The following CD36 variants were observed in gnomAD, a reference collection of about 807,000 sequenced individuals.
CD36 encodes the protein platelet glycoprotein 4.
A neutral mutation model predicts 55.2 loss-of-function variants in CD36; 119 were observed. The ratio of observed to expected loss-of-function variants is 2.15; its 90% confidence interval spans 1.86 to 2.51. CD36 has a LOEUF of 2.51. CD36 is among the 30% of genes most tolerant of loss of function. CD36 has a pLI of 0.00. For missense variants in CD36, 819 were observed against 555.5 expected (o/e 1.47, Z -4.77); for synonymous variants, 186 against 193.6 (o/e 0.96, Z 0.33).
chr7:80,673,078 A>C, intron 12 of CD36: 1 of 534,916 alleles, frequency 1.9e-6, no homozygotes, highest in Non-Finnish European at 3.3e-6. Flanking sequence ...AGCTGCCCAA[A>C]TATTTCTATG....
chr7:80,626,910 A>G (rs1793774848), intron 1 of CD36, among the ~76,000 whole-genome samples: 1 of 152,056 alleles, frequency 6.6e-6, no homozygotes, highest in Admixed American at 6.6e-5. Flanking sequence ...TATATAAACT[A>G]CAATCTTCTC....
intron 1 of CD36, among the ~76,000 whole-genome samples, chr7:80,627,843 GA>G (rs1485694662): frequency 6.6e-6 from 1 of 151,952 alleles, no homozygotes; most frequent in Non-Finnish European, 1.5e-5. Flanking sequence ...AAATATTTGG[GA>G]AAAGCTCATT....
intron 1 of CD36, among the ~76,000 whole-genome samples, chr7:80,615,963 T>TGAGGG (rs1793127851): frequency 6.6e-6 from 1 of 152,214 alleles, no homozygotes; most frequent in African/African-American, 2.4e-5. Flanking sequence ...TTTTGAATTT[T>TGAGGG]GATTTAATTT....
rs771061715 is a variant in CD36 at position 80,674,137 on chromosome 7, CAATAA to C, written c.1415_1419del (p.Lys472AsnfsTer80). The C allele has an allele frequency of 9.3e-5, 149 of 1,609,544 alleles. 1 individual carries two copies. In the Admixed American group the frequency reaches 1.5e-3, roughly 16 times the overall value. ...TCATATTGTGCATGCAGATCGAAAACAATAAAATAAGTAAGTATGTACCAAAAAAT... is the reference window on the plus strand; with the variant it reads ...TCATATTGTGCATGCAGATCGAAAACAATAAGTAAGTATGTACCAAAAAAT... On this transcript the variant is annotated frameshift_variant, in exon 14 of 15. Coordinates refer to ENST00000447544, the MANE Select transcript of CD36 (RefSeq NM_001001548.3). LOFTEE classifies it high-confidence loss of function.
upstream of CD36, among the ~76,000 whole-genome samples, chr7:80,636,340 G>T (rs1318924005): frequency 6.6e-6 from 1 of 151,880 alleles, no homozygotes; most frequent in Non-Finnish European, 1.5e-5. Context: ...TGAGAGCAAT[G>T]AATGTTAATT....
At chr7:80,646,283 T>A (rs1268096264) in intron 2 of CD36, 102 bp downstream of exon 2, 2 of 202,842 alleles carry the variant, frequency 9.9e-6, no homozygotes, top group Admixed American at 1.1e-4. Flanking sequence ...AGAAGGGGTG[T>A]GGAAGGTTGT....
chr7:80,671,770 T>C, intron 10 of CD36, 152 bp from the exon 11 acceptor site: 4 of 668,948 alleles, frequency 6.0e-6, no homozygotes, highest in Non-Finnish European at 1.0e-5. Context: ...GAGTTTATAG[T>C]AGAAATCAAC....
intron 4 of CD36, 40 bp downstream of exon 4, chr7:80,656,740 A>T (rs374853208): frequency 3.3e-4 from 518 of 1,573,494 alleles, no homozygotes; most frequent in Admixed American, 6.5e-4. Context: ...TCTTACCTTG[A>T]CCATGTATTT....
chr7:80,626,685 C>T (rs1321769958), intron 1 of CD36, among the ~76,000 whole-genome samples: 1 of 151,988 alleles, frequency 6.6e-6, no homozygotes. Flanking sequence ...TCTTAATATA[C>T]CATGTAATCT....
chr7:80,647,321 TG>T (rs1176257212), intron 3 of CD36: 1 of 172,052 alleles, frequency 5.8e-6, no homozygotes, highest in African/African-American at 2.4e-5. Flanking sequence ...CTTATTAAAT[TG>T]TAGGTAAACT....
At chr7:80,643,634 G>C (rs1584358275) in intron 1 of CD36, among the ~76,000 whole-genome samples, 2 of 152,072 alleles carry the variant, frequency 1.3e-5, no homozygotes, top group African/African-American at 4.8e-5. Flanking sequence ...AGAGTCTCTG[G>C]GTTTCTTAAC....
chr7:80,627,724 T>G (rs1001260358), intron 1 of CD36, among the ~76,000 whole-genome samples: 1 of 152,072 alleles, frequency 6.6e-6, no homozygotes, highest in African/African-American at 2.4e-5. Flanking sequence ...TAATCATGCT[T>G]TTTGGTGTGA....
chr7:80,610,442 A>G lies in CD36; in HGVS notation c.-184+8063A>G, dbSNP rs77305225. Among the ~76,000 whole-genome samples the G allele has an allele frequency of 7.0e-3, 1,068 of 152,318 alleles. 38 individuals are homozygous for G. In the East Asian group the frequency reaches 0.096, roughly 14 times the overall value. On this transcript the variant is annotated intron_variant, in intron 1 of 13. Coordinates refer to the CD36 transcript ENST00000309881. ...TATGTCATCTTTTGTAAATACAAGA[A>G]TAGTAATATCTTCAGTGTAGTCGCT...
rs745389940 is a variant in CD36, at chr7:80,661,137, G to A, written c.356G>A (p.Gly119Asp). The A allele has an allele frequency of 6.2e-7, 1 of 1,613,928 alleles. No homozygotes were observed. The highest frequency in any genetic ancestry group is 8.5e-7 in the Non-Finnish European group (1 of 1,179,852). The part of the protein sequence containing the change: ...DNTVSFLQPN[G>D]AIFEPSLSVG... ...ACAGTCTCTTTCCTGCAGCCCAATG[G>A]TGCCATCTTCGAACCTTCACTATCA... is the stretch of plus-strand genomic sequence containing the variant. Residue 119 changes from glycine to aspartate, a missense_variant, in exon 5 of 15, where the codon GGT becomes GAT. By Grantham distance (94) the Gly-to-Asp change is moderately conservative. Transcript: ENST00000447544.
chr7:80,636,247 C>T (rs923175242), upstream of CD36, among the ~76,000 whole-genome samples: 1 of 151,952 alleles, frequency 6.6e-6, no homozygotes, highest in Non-Finnish European at 1.5e-5. Context: ...TTTCAGGCTC[C>T]TGTCAAGTAT....
intron 7 of CD36, chr7:80,666,200 G>A (rs934405318): frequency 2.1e-6 from 1 of 466,996 alleles, no homozygotes; most frequent in African/African-American, 2.0e-5. Context: ...ATTCCAAGAT[G>A]TTTCTAATTA....
Position 80,615,929 on chromosome 7 carries a change from G to A in CD36, c.-184+13550G>A, listed in dbSNP as rs374565436. On this transcript the variant is annotated intron_variant, in intron 1 of 13. Coordinates refer to the CD36 transcript ENST00000309881. ...TCAGGATAATTCTGTTTTTAGGAAGGATAGAAGCTTGGACTTAATTTTATT... is the reference window on the plus strand; with the variant it reads ...TCAGGATAATTCTGTTTTTAGGAAGAATAGAAGCTTGGACTTAATTTTATT... Among the ~76,000 whole-genome samples the A allele has an allele frequency of 5.2e-4, 79 of 152,224 alleles. 3 individuals carry two copies. The South Asian group carries it at 0.015, about 30-fold the overall frequency.
chr7:80,649,732 CAGT>C (rs1162827637), intron 3 of CD36, among the ~76,000 whole-genome samples: 1 of 151,792 alleles, frequency 6.6e-6, no homozygotes, highest in African/African-American at 2.4e-5. Flanking sequence ...TAAAACTAAA[CAGT>C]AGATTTACTT....
At chr7:80,608,982 G>A (rs1418300406) in intron 1 of CD36, among the ~76,000 whole-genome samples, 4 of 146,188 alleles carry the variant, frequency 2.7e-5, no homozygotes, top group Non-Finnish European at 3.0e-5. Flanking sequence ...TTTGATAGGC[G>A]TCCTCTGGCC....
Sources: allele counts gnomAD v4.1 joint callset (sites outside exome capture counted in the v4.1 genomes callset), GRCh38; gene constraint gnomAD v4.1.1; transcripts MANE v1.5; gene names NCBI Gene and HGNC (gene_info 2026-07-23, HGNC 2026-07-21).